Variants in ABCB5 observed in about 807,000 individuals in gnomAD.
The protein encoded by ABCB5 is ATP binding cassette subfamily B member 5.
In ABCB5, 155 loss-of-function variants were observed where a neutral mutation model predicts 144.2. The ratio of observed to expected loss-of-function variants is 1.08; its 90% CI spans 0.94 to 1.23. The LOEUF (loss-of-function observed/expected upper bound fraction) is 1.23. Among genes scored for constraint, ABCB5 ranks in the 50% most tolerant of loss-of-function variants. ABCB5 has a pLI of 0.00. For missense variants in ABCB5, 1,830 were observed against 1,520.8 expected (o/e 1.20, Z -3.38); for synonymous variants, 610 against 528.6 (o/e 1.15, Z -2.11).
In ABCB5 at chr7:20,722,983, G is replaced by A. The variant is rs560037106; in HGVS notation, c.2422-33G>A. The stretch of plus-strand genomic sequence containing the variant: ...AACTCTTGTAAATGTAAAGTTAATT[G>A]AGTTTTTTCCCCCAAAATATGTCTG... On this transcript the variant is annotated intron_variant, in intron 20 of 27. Coordinates refer to ENST00000404938, the MANE Select transcript of ABCB5 (RefSeq NM_001163941.2). 3.6e-5 allele frequency: 57 copies of A among 1,596,998 alleles called. No homozygotes were observed. In the South Asian group the frequency reaches 6.2e-4, roughly 17 times the overall value.
intron 14 of ABCB5, chr7:20,659,993 A>C (rs1784950431): frequency 1.0e-6 from 1 of 985,394 alleles, no homozygotes; most frequent in South Asian, 4.7e-5. Flanking sequence ...CAGTTACATA[A>C]GATTTTAAAA....
intron 17 of ABCB5, 83 bp from the exon 18 acceptor site, chr7:20,699,742 C>A: frequency 7.2e-6 from 6 of 836,448 alleles, no homozygotes; most frequent in Admixed American, 2.8e-5. Flanking sequence ...TATTTTAAAA[C>A]TCCTGATATA....
chr7:20,632,204 C>A, intron 5 of ABCB5, 91 bp downstream of exon 5: 1 of 776,508 alleles, frequency 1.3e-6, no homozygotes, highest in Non-Finnish European at 2.0e-6. Context: ...TTTGTATGAC[C>A]ATTAATATTA....
intron 26 of ABCB5, among the ~76,000 whole-genome samples, chr7:20,751,302 C>G (rs2128057675): frequency 6.6e-6 from 1 of 152,144 alleles, no homozygotes; most frequent in Non-Finnish European, 1.5e-5. Flanking sequence ...GAAACCCCGT[C>G]TCTACTGAAA....
intron 20 of ABCB5, among the ~76,000 whole-genome samples, chr7:20,711,778 C>CTCTTTCTTTTTCTTTCTT (rs1554287284): frequency 2.1e-5 from 1 of 47,110 alleles, no homozygotes; most frequent in Admixed American, 2.6e-4. Flanking sequence ...TTCCTTCTTT[C>CTCTTTCTTTTTCTTTCTT]TCTTTCTTTC....
chr7:20,746,187 T>C (rs1223726616), intron 26 of ABCB5, among the ~76,000 whole-genome samples: 1 of 151,912 alleles, frequency 6.6e-6, no homozygotes, highest in Non-Finnish European at 1.5e-5. Flanking sequence ...CAGCTCCACC[T>C]CCCGTGTTCA....
At position 20,672,829 on chromosome 7, in the gene ABCB5, GT is replaced by G. The variant is rs547821946; in HGVS notation, c.1708-8674del. ...TTCTTGGCACCTTTGTAAAAAATCA[GT>G]TGTTCATATATGTGTGAGTTGTTTT... On this transcript the variant is annotated intron_variant, in intron 14 of 27. Transcript: ENST00000404938. 1.5e-3 allele frequency among the ~76,000 whole-genome samples: 222 copies of G among 152,208 alleles called. 2 individuals are homozygous for G. The highest frequency in any genetic ancestry group is 5.1e-3 in the African/African-American group (210 of 41,562).
intron 14 of ABCB5, among the ~76,000 whole-genome samples, chr7:20,662,522 CAATT>C (rs1371226902): frequency 6.6e-6 from 1 of 152,144 alleles, no homozygotes; most frequent in Non-Finnish European, 1.5e-5. Context: ...ATGTCTGTGT[CAATT>C]AAACATCTCA....
At chr7:20,620,333 T>G (rs1033096722) in intron 1 of ABCB5, among the ~76,000 whole-genome samples, 1 of 152,120 alleles carries the variant, frequency 6.6e-6, no homozygotes, top group African/African-American at 2.4e-5. Context: ...TTTTTGACAC[T>G]GGATTTGGCA....
intron 14 of ABCB5, among the ~76,000 whole-genome samples, chr7:20,676,192 A>ACG (rs1328804378): frequency 1.3e-5 from 2 of 151,696 alleles, no homozygotes; most frequent in Admixed American, 1.3e-4. Context: ...ACACACACAC[A>ACG]CACACACATA....
chr7:20,667,378 T>A, intron 14 of ABCB5: 1 of 985,568 alleles, frequency 1.0e-6, no homozygotes. Flanking sequence ...AATATAAACC[T>A]GTATCAGGAA....
At chr7:20,728,207 C>T in intron 22 of ABCB5, 108 bp from the exon 23 acceptor site, 2 of 1,318,876 alleles carry the variant, frequency 1.5e-6, no homozygotes, top group Non-Finnish European at 2.0e-6. Flanking sequence ...AATGCCTTTC[C>T]ACCAAATTAT....
At chr7:20,748,316 G>T (rs575361069) in intron 26 of ABCB5, among the ~76,000 whole-genome samples, 1 of 152,174 alleles carries the variant, frequency 6.6e-6, no homozygotes, top group South Asian at 2.1e-4. Flanking sequence ...GAAGAAAAGT[G>T]AACATGAATC....
Position 20,646,019 on chromosome 7 carries a change from A to T in ABCB5, c.862A>T (p.Lys288Ter). The change falls in exon 9 of 28, where the codon AAA becomes TAA. Residue 288 changes from lysine (K) to a stop codon, truncating the protein, a stop_gained. Transcript: ENST00000404938. LOFTEE classifies it high-confidence loss of function. ...TGGCATAAAAAGGACTATAGCTTCA[A>T]AAGTGTCTCTTGGTGCTGTGTACTT... ...DFGIKRTIAS[K>*]VSLGAVYFFM... 6.2e-7 allele frequency: 1 copy of T among 1,613,900 alleles called. No individual in the cohort carries two copies. The highest frequency in any genetic ancestry group is 8.5e-7 in the Non-Finnish European group (1 of 1,179,820).
chr7:20,648,394 TCAA>T (rs1784478514), intron 11 of ABCB5, among the ~76,000 whole-genome samples: 1 of 152,178 alleles, frequency 6.6e-6, no homozygotes, highest in Non-Finnish European at 1.5e-5. Context: ...GCTACCCCAC[TCAA>T]CATACTCATT....
At chr7:20,669,472 G>A (rs1452436432) in intron 14 of ABCB5, among the ~76,000 whole-genome samples, 2 of 132,748 alleles carry the variant, frequency 1.5e-5, no homozygotes, top group African/African-American at 3.1e-5. Flanking sequence ...TCCACTCAGG[G>A]TTAAATGGAT....
chr7:20,698,365 G>T, intron 16 of ABCB5, 42 bp from the exon 17 acceptor site: 1 of 1,510,310 alleles, frequency 6.6e-7, no homozygotes, highest in South Asian at 1.3e-5. Flanking sequence ...ATTCTGTTAT[G>T]CACACAAACT....
intron 13 of ABCB5, among the ~76,000 whole-genome samples, chr7:20,658,255 A>G (rs1784875655): frequency 6.6e-6 from 1 of 151,774 alleles, no homozygotes; most frequent in Non-Finnish European, 1.5e-5. Flanking sequence ...TTCTAAATAC[A>G]TTTGATTATA....
chr7:20,740,177 T>A (rs1373663685), intron 24 of ABCB5, among the ~76,000 whole-genome samples: 1 of 151,976 alleles, frequency 6.6e-6, no homozygotes, highest in East Asian at 1.9e-4. Context: ...GAGGCGGAGG[T>A]TGCAGTGAGC....
Sources: gnomAD v4.1 joint callset for allele counts (sites outside exome capture counted in the v4.1 genomes callset) on GRCh38, gnomAD v4.1.1 for gene constraint, MANE v1.5 for transcripts, NCBI Gene and HGNC (gene_info 2026-07-23, HGNC 2026-07-21) for gene names.